The following EMP2 variants were observed in gnomAD, a reference collection of about 807,000 sequenced individuals.
The protein encoded by EMP2 is epithelial membrane protein 2.
A neutral mutation model predicts 13.7 loss-of-function variants in EMP2; 19 were observed. The ratio of observed to expected loss-of-function variants is 1.38; its 90% CI spans 0.97 to 2.03. The LOEUF is 2.03. EMP2 is among the 30% of genes most tolerant of loss of function. The probability of loss-of-function intolerance (pLI) is 0.00; values close to 1 mark genes in which losing one functional copy is unlikely to be tolerated. For synonymous variants in EMP2, 97 were observed against 84.7 expected, an observed-to-expected ratio of 1.15 and a Z score of -0.80; for missense variants, 253 against 220.7, an observed-to-expected ratio of 1.15 and a Z score of -0.93.
rs377263891 is a variant in EMP2, at chr16:10,532,981, T to C, written c.428A>G (p.Tyr143Cys). Residue 143 changes from tyrosine to cysteine, a missense_variant, in exon 5 of 5, where the codon TAC becomes TGC. Coordinates refer to ENST00000359543, the MANE Select transcript of EMP2 (RefSeq NM_001424.6). ...VTREGSYGYS[Y>C]ILAWVAFACT... ...GGCGAAGGCCACCCACGCCAGGATGTAGGAGTAGCCGTAGCTGCCTTCTCT... is the reference window on the plus strand; with the variant it reads ...GGCGAAGGCCACCCACGCCAGGATGCAGGAGTAGCCGTAGCTGCCTTCTCT... 98 of 1,611,956 alleles carry C rather than the reference T, an allele frequency of 6.1e-5. No individual in the cohort carries two copies. Among genetic ancestry groups the C allele is most frequent in the Non-Finnish European group, 1.8e-5 (21 of 1,179,188 alleles).
At chr16:10,563,644 G>A (rs930516051) in intron 1 of EMP2, among the ~76,000 whole-genome samples, 2 of 152,226 alleles carry the variant, frequency 1.3e-5, no homozygotes, top group African/African-American at 4.8e-5. Context: ...TAACGTGGAA[G>A]TTAACATAGG....
chr16:10,580,400 T>C lies in EMP2; in HGVS notation c.-61+149A>G, dbSNP rs77857457. Reference sequence around the variant, plus strand: ...GCAGACCAGAGGTCGGCGGCATGGGTGGCACCTCGGCCCTCCCGTTACTGT... The same window carrying C: ...GCAGACCAGAGGTCGGCGGCATGGGCGGCACCTCGGCCCTCCCGTTACTGT... On this transcript the variant is annotated intron_variant, in intron 1 of 4. Transcript: ENST00000359543. This position sits in a 1 kb window ranked among gnomAD's most constrained non-coding sequence, Gnocchi z 4.3. 14,988 of 152,236 alleles carry C rather than the reference T, an allele frequency of 0.098. 1,004 individuals are homozygous for C. Among genetic ancestry groups the C allele is most frequent in the African/African-American group, 0.18 (7,526 of 41,534 alleles). 9.4% of individuals were successfully genotyped at this position (152,236 alleles called of 1,614,324 possible).
intron 1 of EMP2, among the ~76,000 whole-genome samples, chr16:10,575,784 C>T (rs1321756967): frequency 6.6e-6 from 1 of 152,088 alleles, no homozygotes; most frequent in African/African-American, 2.4e-5. Flanking sequence ...GATCCACAGA[C>T]AGCTGGCAAA....
intron 4 of EMP2, among the ~76,000 whole-genome samples, chr16:10,535,902 C>G (rs2050643416): frequency 6.6e-6 from 1 of 152,172 alleles, no homozygotes; most frequent in African/African-American, 2.4e-5. Context: ...GCTTGTTGCT[C>G]TCCAACGCTT....
chr16:10,558,660 C>T (rs1345699814), intron 1 of EMP2, among the ~76,000 whole-genome samples: 1 of 152,046 alleles, frequency 6.6e-6, no homozygotes, highest in African/African-American at 2.4e-5. Context: ...GATCTGCCCA[C>T]GGACAGAGTA....
At chr16:10,577,850 G>A (rs914143523) in intron 1 of EMP2, among the ~76,000 whole-genome samples, 1 of 151,852 alleles carries the variant, frequency 6.6e-6, no homozygotes, top group African/African-American at 2.4e-5. Flanking sequence ...AACTCCCGTG[G>A]CTGGAGAGCC....
chr16:10,566,189 C>T (rs913235826), intron 1 of EMP2, among the ~76,000 whole-genome samples: 6 of 152,202 alleles, frequency 3.9e-5, no homozygotes, highest in African/African-American at 1.2e-4. Flanking sequence ...ACCACCTTCT[C>T]GAGTACAGCT....
At chr16:10,579,708 G>GCACGCA (rs1555461492) in intron 1 of EMP2, among the ~76,000 whole-genome samples, 4 of 146,668 alleles carry the variant, frequency 2.7e-5, no homozygotes, top group African/African-American at 5.2e-5. Flanking sequence ...AGATCAAGGT[G>GCACGCA]CACACACACA....
chr16:10,574,780 G>T (rs560741681), intron 1 of EMP2, among the ~76,000 whole-genome samples: 9 of 152,036 alleles, frequency 5.9e-5, no homozygotes, highest in African/African-American at 2.2e-4. Flanking sequence ...TCGATCTCCT[G>T]ACCTCACCAT....
chr16:10,537,273 T>C (rs1434942529), intron 4 of EMP2, among the ~76,000 whole-genome samples: 2 of 152,096 alleles, frequency 1.3e-5, no homozygotes, highest in Non-Finnish European at 2.9e-5. Context: ...AATTCCTAAG[T>C]AGAAAAAAAT....
At chr16:10,537,131 C>A (rs6498070) in intron 4 of EMP2, among the ~76,000 whole-genome samples, 1 of 152,084 alleles carries the variant, frequency 6.6e-6, no homozygotes, top group South Asian at 2.1e-4. Flanking sequence ...AGCCACTCGT[C>A]AACTCCTGAT....
At chr16:10,569,318 T>C (rs2050931078) in intron 1 of EMP2, among the ~76,000 whole-genome samples, 1 of 152,210 alleles carries the variant, frequency 6.6e-6, no homozygotes, top group Non-Finnish European at 1.5e-5. Flanking sequence ...GATTCATTTT[T>C]AAAATATTTA....
chr16:10,547,974 C>T (rs1430047025), intron 1 of EMP2, among the ~76,000 whole-genome samples: 1 of 152,108 alleles, frequency 6.6e-6, no homozygotes, highest in Non-Finnish European at 1.5e-5. Context: ...GTTGAGGACG[C>T]AGTGAGCCAT....
At chr16:10,564,308 T>A (rs1456627462) in intron 1 of EMP2, among the ~76,000 whole-genome samples, 4 of 152,002 alleles carry the variant, frequency 2.6e-5, no homozygotes, top group Non-Finnish European at 5.9e-5. Flanking sequence ...CTGGCCAACA[T>A]GGTGAAACCC....
chr16:10,545,655 C>G (rs1280364936), intron 2 of EMP2: 1 of 152,812 alleles, frequency 6.5e-6, no homozygotes, highest in African/African-American at 2.4e-5. Flanking sequence ...AAGCTCAGGG[C>G]TCCCACTGAT....
At chr16:10,543,872 T>C (rs534395052) in intron 2 of EMP2, among the ~76,000 whole-genome samples, 1 of 152,284 alleles carries the variant, frequency 6.6e-6, no homozygotes, top group Admixed American at 6.5e-5. Flanking sequence ...ATTTATTTAT[T>C]TTTTTGAGAC....
intron 1 of EMP2, among the ~76,000 whole-genome samples, chr16:10,552,956 T>C (rs2050799292): frequency 6.6e-6 from 1 of 152,086 alleles, no homozygotes; most frequent in African/African-American, 2.4e-5. Context: ...CAGTTAGAGG[T>C]TGGTTTCAAC....
Position 10,529,944 on chromosome 16 carries a change from A to AAAG in EMP2, c.*2960_*2961insCTT, listed in dbSNP as rs1434477124. On this transcript the variant is annotated 3_prime_UTR_variant, in exon 5 of 5. Coordinates refer to ENST00000359543, the MANE Select transcript of EMP2 (RefSeq NM_001424.6). The stretch of plus-strand genomic sequence containing the variant: ...AAAACTCAGTCTCAAAAAAAAAAAA[A>AAAG]AAAAAGAAAAAGAAAAAAGAAAATT... The AAAG allele has an allele frequency of 6.6e-6, 1 of 151,622 alleles. No individual in the cohort carries two copies. Among genetic ancestry groups the AAAG allele is most frequent in the African/African-American group, 2.4e-5 (1 of 41,192 alleles). 9.4% of individuals were successfully genotyped at this position (151,622 alleles called of 1,614,324 possible).
At chr16:10,538,766 T>C (rs1429441913) in intron 3 of EMP2, among the ~76,000 whole-genome samples, 1 of 152,134 alleles carries the variant, frequency 6.6e-6, no homozygotes, top group African/African-American at 2.4e-5. Context: ...GAAGGCATCC[T>C]GCACATGGGT....
Sources: allele counts gnomAD v4.1 joint callset (sites outside exome capture counted in the v4.1 genomes callset), GRCh38; gene constraint gnomAD v4.1.1; non-coding constraint Gnocchi (gnomAD v3.1); transcripts MANE v1.5; gene names NCBI Gene and HGNC (gene_info 2026-07-23, HGNC 2026-07-21).